Variants in ESYT2 observed in about 807,000 individuals in gnomAD.
ESYT2 encodes the protein extended synaptotagmin 2, also known as extended synaptotagmin-2.
A neutral mutation model predicts 107.2 loss-of-function variants in ESYT2; 54 were observed. The observed-to-expected ratio is 0.50, with a 90% CI of 0.40 to 0.63. The LOEUF is 0.63. Ranked by LOEUF, ESYT2 falls within the 30% of genes least tolerant of loss-of-function variation. The probability of loss-of-function intolerance (pLI) is 0.00; values close to 1 mark genes in which losing one functional copy is unlikely to be tolerated. For missense variants in ESYT2, 1,020 were observed against 1,094.5 expected (o/e 0.93, Z 0.96); for synonymous variants, 491 against 434.1 (o/e 1.13, Z -1.63).
At chr7:158,751,030 A>G (rs1837567400) in intron 14 of ESYT2, among the ~76,000 whole-genome samples, 1 of 152,258 alleles carries the variant, frequency 6.6e-6, no homozygotes, top group African/African-American at 2.4e-5. Context: ...AAAAGTGGTC[A>G]CCTGTTCCTA....
In ESYT2 at chr7:158,763,143, C is replaced by A. The variant is rs752231394; in HGVS notation, c.1124G>T (p.Gly375Val). The change falls in exon 10 of 23, where the codon GGA becomes GTA. Residue 375 changes from glycine (G) to valine (V), a missense_variant. Gly to Val is a moderately radical substitution (Grantham distance 109, BLOSUM62 -3). Transcript: ENST00000275418. ...VYEALVYEHPGQELEIELFDE... is the reference protein window; with the variant it reads ...VYEALVYEHPVQELEIELFDE... ...AAAGAGCTCAATCTCTAATTCTTGTCCAGGATGTTCATACACTAAAGCCTA... is the reference window on the plus strand; with the variant it reads ...AAAGAGCTCAATCTCTAATTCTTGTACAGGATGTTCATACACTAAAGCCTA... 6.2e-7 allele frequency: 1 copy of A among 1,612,770 alleles called. No individual in the cohort carries two copies. The highest frequency in any genetic ancestry group is 1.7e-5 in the Admixed American group (1 of 59,962).
chr7:158,760,026 G>A, intron 12 of ESYT2, 32 bp downstream of exon 12: 1 of 1,602,150 alleles, frequency 6.2e-7, no homozygotes, highest in Non-Finnish European at 8.6e-7. Flanking sequence ...AGTTGGTTAG[G>A]TAGTTTTCAA....
intron 1 of ESYT2, among the ~76,000 whole-genome samples, chr7:158,817,542 G>A (rs2709870): frequency 1.4e-4 from 20 of 145,760 alleles, no homozygotes; most frequent in East Asian, 4.0e-4. Flanking sequence ...CAATGTACCT[G>A]CTTCCAGGTG....
intron 1 of ESYT2, among the ~76,000 whole-genome samples, chr7:158,822,144 C>T (rs926922431): frequency 9.9e-5 from 15 of 152,144 alleles, no homozygotes; most frequent in African/African-American, 3.1e-4. Flanking sequence ...GAGACAGAAT[C>T]GTCATGAAAA....
At chr7:158,780,686 A>G (rs1838746389) in intron 6 of ESYT2, among the ~76,000 whole-genome samples, 1 of 152,396 alleles carries the variant, frequency 6.6e-6, no homozygotes, top group South Asian at 2.1e-4. Context: ...TTTAAGTGCT[A>G]CTGAAGTTCA....
rs748060436 is a variant in ESYT2, at chr7:158,781,919, AGT to A, written c.747+6083_747+6084del. ...CAAGTGTGAGTGAACGACAGAACAA[AGT>A]GTGAAAGGTATGAGTGTAAGAACGA... On this transcript the variant is annotated intron_variant, in intron 6 of 22. Coordinates refer to ENST00000275418, the MANE Select transcript of ESYT2 (RefSeq NM_001367773.1). Among the ~76,000 whole-genome samples, 20 of 151,186 alleles carry A rather than the reference AGT, an allele frequency of 1.3e-4. No homozygotes were observed. In the East Asian group the frequency reaches 1.4e-3, roughly 10 times the overall value.
chr7:158,782,161 GA>G (rs1563650154), intron 6 of ESYT2, among the ~76,000 whole-genome samples: 2 of 151,940 alleles, frequency 1.3e-5, no homozygotes, highest in East Asian at 3.9e-4. Flanking sequence ...GTGTGAGTGT[GA>G]GAACAGTGAG....
At chr7:158,823,929 T>C (rs1478719378) in intron 1 of ESYT2, among the ~76,000 whole-genome samples, 1 of 152,182 alleles carries the variant, frequency 6.6e-6, no homozygotes, top group East Asian at 1.9e-4. Context: ...TATATTTCAG[T>C]CCTAGCTCTA....
At chr7:158,812,962 A>T (rs1840032821) in intron 1 of ESYT2, among the ~76,000 whole-genome samples, 1 of 152,214 alleles carries the variant, frequency 6.6e-6, no homozygotes, top group Non-Finnish European at 1.5e-5. Context: ...GGCACAAAAC[A>T]GGGTTCCTTT....
At chr7:158,798,621 G>A (rs913961273) in intron 2 of ESYT2, among the ~76,000 whole-genome samples, 17 of 119,794 alleles carry the variant, frequency 1.4e-4, no homozygotes, top group Non-Finnish European at 2.1e-4. Context: ...ACTCCAGCCT[G>A]GGCAACAAGA....
intron 8 of ESYT2, among the ~76,000 whole-genome samples, chr7:158,765,296 G>A (rs562847353): frequency 6.6e-6 from 1 of 152,262 alleles, no homozygotes; most frequent in East Asian, 1.9e-4. Context: ...AACATGAGAG[G>A]TTGTATCAGA....
At chr7:158,826,874 A>G (rs1247756041) in intron 1 of ESYT2, among the ~76,000 whole-genome samples, 1 of 150,558 alleles carries the variant, frequency 6.6e-6, no homozygotes, top group Non-Finnish European at 1.5e-5. Flanking sequence ...TCATCTGTAC[A>G]GTCTGTGTGG....
At position 158,814,286 on chromosome 7, in the gene ESYT2, AT is replaced by A. The variant is rs1328479010; in HGVS notation, c.330+14802del. On this transcript the variant is annotated intron_variant, in intron 1 of 22. Transcript: ENST00000275418. ...GAGACTCCGTCTCAAAAAAAAAAAA[AT>A]TATATATATATATATATATATATAT... Among the ~76,000 whole-genome samples, 9 of 110,894 alleles carry A rather than the reference AT, an allele frequency of 8.1e-5. 1 individual carries two copies. Among genetic ancestry groups the A allele is most frequent in the African/African-American group, 1.2e-4 (3 of 25,432 alleles). The allele number at this position is 110,894 out of a possible 152,430, so 72.8% of individuals were successfully genotyped here.
intron 4 of ESYT2, among the ~76,000 whole-genome samples, chr7:158,789,054 G>A (rs1839197434): frequency 6.6e-6 from 1 of 152,154 alleles, no homozygotes; most frequent in Non-Finnish European, 1.5e-5. Flanking sequence ...TTTTCCATGG[G>A]TTAGTGTAGG....
chr7:158,770,371 T>C (rs1838317168), intron 7 of ESYT2, among the ~76,000 whole-genome samples: 1 of 151,614 alleles, frequency 6.6e-6, no homozygotes, highest in Non-Finnish European at 1.5e-5. Context: ...ATAAATTATA[T>C]ATACCTATAT....
chr7:158,785,256 C>T (rs1016675509), intron 6 of ESYT2, among the ~76,000 whole-genome samples: 32 of 152,150 alleles, frequency 2.1e-4, no homozygotes, highest in Middle Eastern at 3.4e-3. Context: ...AACCCCGTCT[C>T]TACTAAAAAT....
At chr7:158,782,974 G>T (rs1838971173) in intron 6 of ESYT2, among the ~76,000 whole-genome samples, 1 of 152,224 alleles carries the variant, frequency 6.6e-6, no homozygotes. Context: ...CCCGATAAAG[G>T]CCTGGCTTTA....
At chr7:158,791,145 T>C (rs1839277483) in intron 4 of ESYT2, among the ~76,000 whole-genome samples, 1 of 152,126 alleles carries the variant, frequency 6.6e-6, no homozygotes, top group Admixed American at 6.5e-5. Flanking sequence ...CCATTCCGCT[T>C]CTGTCTATGA....
intron 10 of ESYT2, among the ~76,000 whole-genome samples, chr7:158,762,756 G>A (rs1587405183): frequency 6.6e-6 from 1 of 152,116 alleles, no homozygotes; most frequent in African/African-American, 2.4e-5. Flanking sequence ...AACTCAATAC[G>A]GCGGCAGGTT....
Sources: gnomAD v4.1 joint callset for allele counts (sites outside exome capture counted in the v4.1 genomes callset) on GRCh38, gnomAD v4.1.1 for gene constraint, MANE v1.5 for transcripts, NCBI Gene and HGNC (gene_info 2026-07-23, HGNC 2026-07-21) for gene names.